Variants in RAPGEF4 observed in about 807,000 individuals in gnomAD.
The protein encoded by RAPGEF4 is Rap guanine nucleotide exchange factor 4, also known as RAP guanine-nucleotide-exchange factor (GEF) 4.
In RAPGEF4, 66 loss-of-function variants were observed where a neutral mutation model predicts 147.9. That is an observed-to-expected ratio of 0.45 (90% CI 0.37 to 0.55). The LOEUF is 0.55. RAPGEF4 is among the 20% of genes least tolerant of loss of function. The pLI is 0.00. For missense variants in RAPGEF4, 1,071 were observed against 1,257.3 expected (o/e 0.85, Z 2.24); for synonymous variants, 419 against 442.7 (o/e 0.95, Z 0.67).
At chr2:173,035,800 G>T (rs1033730391) in intron 27 of RAPGEF4, among the ~76,000 whole-genome samples, 1 of 152,168 alleles carries the variant, frequency 6.6e-6, no homozygotes, top group Non-Finnish European at 1.5e-5. Context: ...ATGTAAGTTA[G>T]AGAAAAAATG....
chr2:172,885,997 C>T (rs115295561), intron 4 of RAPGEF4, among the ~76,000 whole-genome samples: 3 of 152,112 alleles, frequency 2.0e-5, no homozygotes, highest in African/African-American at 7.2e-5. Context: ...GGACTTCTCT[C>T]CCTTCCTTTC....
rs560043742 is a variant in RAPGEF4, at chr2:172,762,100, G to A, written c.65+26052G>A. Among the ~76,000 whole-genome samples, 5 of 152,344 alleles carry A rather than the reference G, an allele frequency of 3.3e-5. No individual in the cohort carries two copies. In the East Asian group the frequency reaches 5.8e-4, roughly 18 times the overall value. ...TCGTGCCATGGCACTCCAGCCATGA[G>A]TGAGACTCCGTCTCAAACAAACAAA... On this transcript the variant is annotated intron_variant, in intron 1 of 30. Transcript: ENST00000397081.
At chr2:172,927,063 A>G (rs764236836) in intron 6 of RAPGEF4, among the ~76,000 whole-genome samples, 25 of 152,208 alleles carry the variant, frequency 1.6e-4, no homozygotes, top group Non-Finnish European at 3.7e-4. Context: ...CCACTTGGCA[A>G]GTCTCATCTT....
chr2:172,817,205 G>C (rs1688596287), intron 4 of RAPGEF4, among the ~76,000 whole-genome samples: 2 of 152,114 alleles, frequency 1.3e-5, no homozygotes, highest in South Asian at 4.1e-4. Flanking sequence ...AAATATATAT[G>C]CTTCTGCTCT....
At chr2:172,815,700 G>C (rs1182867234) in intron 4 of RAPGEF4, among the ~76,000 whole-genome samples, 1 of 152,114 alleles carries the variant, frequency 6.6e-6, no homozygotes, top group Non-Finnish European at 1.5e-5. Context: ...ATTTCTAACT[G>C]TGATGTGTGT....
intron 4 of RAPGEF4, among the ~76,000 whole-genome samples, chr2:172,824,730 G>A (rs545448709): frequency 1.3e-5 from 2 of 152,314 alleles, no homozygotes; most frequent in East Asian, 3.9e-4. Context: ...CTGAGCAATG[G>A]TGTCTTTCAC....
chr2:172,899,214 TAGAA>T (rs1698821280), intron 4 of RAPGEF4, among the ~76,000 whole-genome samples: 1 of 152,224 alleles, frequency 6.6e-6, no homozygotes, highest in South Asian at 2.1e-4. Context: ...GGTTGGTTGG[TAGAA>T]AGGTCGTTTT....
chr2:172,945,128 C>A (rs1687561500), intron 6 of RAPGEF4, among the ~76,000 whole-genome samples: 1 of 152,118 alleles, frequency 6.6e-6, no homozygotes, highest in African/African-American at 2.4e-5. Flanking sequence ...CTAATTGAAA[C>A]CATCATCTGT....
chr2:172,747,117 C>G (rs1332209064), intron 1 of RAPGEF4, among the ~76,000 whole-genome samples: 1 of 152,088 alleles, frequency 6.6e-6, no homozygotes, highest in African/African-American at 2.4e-5. Context: ...CTGTTTATAC[C>G]CTGGATGAAG....
chr2:172,987,487 T>C (rs1203903545), intron 12 of RAPGEF4, among the ~76,000 whole-genome samples: 1 of 152,168 alleles, frequency 6.6e-6, no homozygotes, highest in Non-Finnish European at 1.5e-5. Flanking sequence ...CGTTTACGAA[T>C]TCAACCCACT....
intron 10 of RAPGEF4, among the ~76,000 whole-genome samples, chr2:172,969,949 T>C (rs1690278584): frequency 6.6e-6 from 1 of 152,176 alleles, no homozygotes; most frequent in African/African-American, 2.4e-5. Context: ...GTTGTTAAAG[T>C]ACAGGTTTTA....
intron 5 of RAPGEF4, among the ~76,000 whole-genome samples, chr2:172,919,987 T>C (rs1427088576): frequency 6.6e-6 from 1 of 152,130 alleles, no homozygotes; most frequent in Non-Finnish European, 1.5e-5. Context: ...CTCTTTGGAT[T>C]TTAGGGCAGA....
In RAPGEF4 at chr2:173,029,544, A is replaced by G. The variant is rs146987735; in HGVS notation, c.2559-620A>G. Among the ~76,000 whole-genome samples the G allele has an allele frequency of 7.2e-3, 1,098 of 152,332 alleles. 11 individuals are homozygous for G. The highest frequency in any genetic ancestry group is 0.024 in the African/African-American group (1,015 of 41,576). On this transcript the variant is annotated intron_variant, in intron 25 of 30. Transcript: ENST00000397081. ...AATAATGGCGTAAGTACAGATTCAA[A>G]ATGATCAGCTTCATTGATGTCAGTA...
At chr2:172,899,498 C>T (rs551139836) in intron 4 of RAPGEF4, among the ~76,000 whole-genome samples, 8 of 152,158 alleles carry the variant, frequency 5.3e-5, no homozygotes, top group East Asian at 1.9e-4. Context: ...CAGGGAAGTC[C>T]GGTGTGGAGA....
At chr2:172,813,427 G>A (rs899451020) in intron 3 of RAPGEF4, among the ~76,000 whole-genome samples, 2 of 152,140 alleles carry the variant, frequency 1.3e-5, no homozygotes, top group African/African-American at 2.4e-5. Context: ...TTAAATCATC[G>A]ATTCATGACA....
At chr2:172,741,971 C>T (rs1214380037) in intron 1 of RAPGEF4, among the ~76,000 whole-genome samples, 1 of 152,208 alleles carries the variant, frequency 6.6e-6, no homozygotes, top group Non-Finnish European at 1.5e-5. Flanking sequence ...CTGTGCCCAG[C>T]CAGTATGATC....
chr2:172,902,208 G>A (rs996553986), intron 4 of RAPGEF4, among the ~76,000 whole-genome samples: 2 of 152,112 alleles, frequency 1.3e-5, no homozygotes, highest in East Asian at 1.9e-4. Flanking sequence ...GAAGGCAGAG[G>A]CCAGGTTGTG....
Position 173,001,617 on chromosome 2 carries a change from C to T in RAPGEF4, c.1658+273C>T, listed in dbSNP as rs180723549. ...ATTCTTTCATTGCTATAAAGAAATA[C>T]CCGAGGCTGGGTAATTTATAAGAAA... On this transcript the variant is annotated intron_variant, in intron 17 of 30. Transcript: ENST00000397081. Among the ~76,000 whole-genome samples, 508 of 152,194 alleles carry T rather than the reference C, an allele frequency of 3.3e-3. 4 individuals carry two copies. The highest frequency in any genetic ancestry group is 4.8e-3 in the Non-Finnish European group (325 of 68,012).
intron 26 of RAPGEF4, among the ~76,000 whole-genome samples, chr2:173,031,669 T>G (rs1697207401): frequency 6.6e-6 from 1 of 152,162 alleles, no homozygotes; most frequent in Non-Finnish European, 1.5e-5. Flanking sequence ...AGTAGGAGGC[T>G]GCTGAAGAGG....
Sources: gnomAD v4.1 joint callset for allele counts (sites outside exome capture counted in the v4.1 genomes callset) on GRCh38, gnomAD v4.1.1 for gene constraint, MANE v1.5 for transcripts, NCBI Gene and HGNC (gene_info 2026-07-23, HGNC 2026-07-21) for gene names.